MRPL4: variants seen among roughly 807,000 people sequenced by gnomAD.
MRPL4 encodes large ribosomal subunit protein uL4m.
Under a neutral mutation model 34.1 loss-of-function variants are expected in MRPL4, and 34 were observed. The ratio of observed to expected loss-of-function variants is 1.00; its 90% CI spans 0.76 to 1.33. The LOEUF (loss-of-function observed/expected upper bound fraction) is 1.33, where lower values mean the gene tolerates loss of function less well. MRPL4 is among the 40% of genes most tolerant of loss of function. The pLI, the probability that MRPL4 is intolerant of heterozygous loss-of-function variation, is 0.00. For missense variants in MRPL4, 402 were observed against 434.6 expected, an observed-to-expected ratio of 0.92 and a Z score of 0.67; for synonymous variants, 196 against 188.3, an observed-to-expected ratio of 1.04 and a Z score of -0.33.
rs1306760678 is a variant in MRPL4 at position 10,258,300 on chromosome 19, A to C, written c.524A>C (p.Lys175Thr). Reference protein sequence around the residue: ...LPMKVRALGLKVALTVKLAQD... With the variant: ...LPMKVRALGLTVALTVKLAQD... ...ATGAAGGTGCGGGCGCTGGGTCTCA[A>C]AGTGGCACTGACCGTCAAGCTGGCC... The change falls in exon 6 of 9, where the codon AAA becomes ACA. Residue 175 changes from lysine (K) to threonine (T), a missense_variant. Transcript: ENST00000253099. 1.2e-6 allele frequency: 2 copies of C among 1,613,938 alleles called. No individual in the cohort carries two copies. Among genetic ancestry groups the C allele is most frequent in the Non-Finnish European group, 1.7e-6 (2 of 1,180,010 alleles).
chr19:10,253,248 G>T (rs1255215417), intron 3 of MRPL4, among the ~76,000 whole-genome samples: 1 of 151,822 alleles, frequency 6.6e-6, no homozygotes, highest in South Asian at 2.1e-4. Context: ...AGGCCAAGGC[G>T]GGCGGATCAC....
chr19:10,252,706 G>A lies in MRPL4; in HGVS notation c.275+5G>A. ...TGTTTTCGCCACCGCGCCCAGGTGA[G>A]CGAGGGCTGTAATGGTGAACTGAGT... On this transcript the variant is annotated splice_donor_5th_base_variant and intron_variant, in intron 3 of 8. Transcript: ENST00000253099. 6.2e-7 allele frequency: 1 copy of A among 1,600,292 alleles called. No homozygotes were observed. The highest frequency in any genetic ancestry group is 1.1e-5 in the South Asian group (1 of 90,930).
chr19:10,258,514 C>T lies in MRPL4; in HGVS notation c.654C>T (p.Leu218=), dbSNP rs765728440. The T allele has an allele frequency of 1.2e-5, 20 of 1,614,022 alleles. No homozygotes were observed. The highest frequency in any genetic ancestry group is 1.2e-4 in the African/African-American group (9 of 74,902). Residue 218 remains leucine, a synonymous_variant, in exon 7 of 9, where the codon CTC becomes CTT. Transcript: ENST00000253099. ...GCCGCTGGGGGGACTCCGTACTCCT[C>T]GTGGACTTGTGAGGGCACAGGGCAG... ...HYRRWGDSVL[L]VDLTHEEMPQ...
In MRPL4 at chr19:10,259,403, A is replaced by T. The variant is rs1440186938; in HGVS notation, c.740-214A>T. 18 of 1,405,992 alleles carry T rather than the reference A, an allele frequency of 1.3e-5. No individual in the cohort carries two copies. In the South Asian group the frequency reaches 2.9e-4, roughly 22 times the overall value. 87.1% of individuals were successfully genotyped at this position (1,405,992 alleles called of 1,614,324 possible). On this transcript the variant is annotated intron_variant, in intron 8 of 8. Coordinates refer to ENST00000253099, the MANE Select transcript of MRPL4 (RefSeq NM_015956.3). The stretch of plus-strand genomic sequence containing the variant: ...ACAGGACCGAGCCTGGCTCTCGGTC[A>T]GCAGGTGATGAGCTGGGAGCAGCTC...
rs1166172950 is a variant in MRPL4 at position 10,252,565 on chromosome 19, G to T, written c.139G>T (p.Val47Leu). The T allele has an allele frequency of 2.5e-6, 4 of 1,612,936 alleles. No homozygotes were observed. The highest frequency in any genetic ancestry group is 1.3e-5 in the African/African-American group (1 of 74,902). The change falls in exon 3 of 9, where the codon GTG (valine) becomes TTG (leucine). Residue 47 changes from valine (V) to leucine (L), a missense_variant. Val to Leu is a conservative substitution (Grantham distance 32, BLOSUM62 1). Transcript: ENST00000253099. The part of the protein sequence containing the change: ...QVASEGLPEP[V>L]LRKVELPVPT... ...AATCGCTCCAGGTCTCCCGGAGCCCGTGCTGCGCAAAGTCGAGCTCCCGGT... is the reference window on the plus strand; with the variant it reads ...AATCGCTCCAGGTCTCCCGGAGCCCTTGCTGCGCAAAGTCGAGCTCCCGGT...
At chr19:10,256,496 C>T (rs771770905) in intron 4 of MRPL4, among the ~76,000 whole-genome samples, 1 of 152,082 alleles carries the variant, frequency 6.6e-6, no homozygotes, top group South Asian at 2.1e-4. Context: ...CCTGCGTGCC[C>T]GGTGGCAGGG....
chr19:10,252,960 C>G, intron 3 of MRPL4: 1 of 478,562 alleles, frequency 2.1e-6, no homozygotes, highest in South Asian at 4.1e-5. Context: ...ATCCTGCCTT[C>G]CCCTCTTGTC....
chr19:10,258,123 G>GC, intron 5 of MRPL4, 99 bp from the exon 6 acceptor site: 3 of 799,508 alleles, frequency 3.8e-6, no homozygotes, highest in Non-Finnish European at 6.2e-6. Flanking sequence ...TCCTGGCAGC[G>GC]CCCCCTCTCT....
In MRPL4 at chr19:10,256,784, G is replaced by A. The variant is rs143980023; in HGVS notation, c.404G>A (p.Arg135Gln). 5.7e-5 allele frequency: 91 copies of A among 1,585,572 alleles called. No individual in the cohort carries two copies. The South Asian group carries it at 8.8e-4, about 15-fold the overall frequency. Residue 135 changes from arginine (R) to glutamine (Q), a missense_variant, in exon 5 of 9, where the codon CGG becomes CAG. Arg to Gln is a conservative substitution (Grantham distance 43, BLOSUM62 1). Transcript: ENST00000253099. Reference sequence around the variant, plus strand: ...CCTTGGCCGCAGAAAGGCACTGGGCGGGCCCGGCATGGCAGCATCCGCTCT... The same window carrying A: ...CCTTGGCCGCAGAAAGGCACTGGGCAGGCCCGGCATGGCAGCATCCGCTCT... ...RKPWPQKGTG[R>Q]ARHGSIRSPL...
intron 8 of MRPL4, chr19:10,259,067 C>CA (rs906096813): frequency 7.8e-7 from 1 of 1,275,642 alleles, no homozygotes; most frequent in African/African-American, 1.8e-5. Flanking sequence ...CCACTGCACC[C>CA]AAACCTGGGG....
chr19:10,259,253 T>C, intron 8 of MRPL4: 1 of 1,333,890 alleles, frequency 7.5e-7, no homozygotes, highest in Non-Finnish European at 9.5e-7. Flanking sequence ...TCTCTCAGGA[T>C]GAAAGCCCAA....
chr19:10,259,584 C>T (rs993091066), intron 8 of MRPL4, 33 bp from the exon 9 acceptor site: 10 of 1,489,476 alleles, frequency 6.7e-6, no homozygotes, highest in Admixed American at 2.7e-5. Flanking sequence ...CCGGCCTGAC[C>T]GGCCCCCCGC....
upstream of MRPL4, chr19:10,252,138 C>A: frequency 1.5e-6 from 2 of 1,322,884 alleles, no homozygotes; most frequent in South Asian, 1.5e-5. Flanking sequence ...GCACACCCCG[C>A]TTTCCAGCGC....
In MRPL4 at chr19:10,259,757, C is replaced by T; in HGVS notation, c.880C>T (p.Pro294Ser). 1.2e-6 allele frequency: 2 copies of T among 1,614,078 alleles called. No homozygotes were observed. The highest frequency in any genetic ancestry group is 1.7e-6 in the Non-Finnish European group (2 of 1,179,974). ...YPFSLPYSDF[P>S]RPLPHATQGP... ...CTTCAGCCTGCCCTACAGCGACTTC[C>T]CCCGACCCCTACCCCACGCTACCCA... The change falls in exon 9 of 9, where the codon CCC (proline) becomes TCC (serine). Residue 294 changes from proline (P) to serine (S), a missense_variant. By Grantham distance (74) the Pro-to-Ser change is moderately conservative. Coordinates refer to ENST00000253099, the MANE Select transcript of MRPL4 (RefSeq NM_015956.3).
upstream of MRPL4, chr19:10,252,151 A>AGTCGCGGCGGGTAGGGCGGC: frequency 7.3e-7 from 1 of 1,370,734 alleles, no homozygotes; most frequent in Non-Finnish European, 9.7e-7. Flanking sequence ...TCCAGCGCGG[A>AGTCGCGGCGGGTAGGGCGGC]GTCGCGGCGG....
rs374214811 is a variant in MRPL4, at chr19:10,258,397, C to G, written c.553-16C>G. The stretch of plus-strand genomic sequence containing the variant: ...GCTCTGGACCCAGGGTTCAAACCAT[C>G]CTTTCCTTCCACCAGGACGACCTGC... On this transcript the variant is annotated splice_polypyrimidine_tract_variant and intron_variant, in intron 6 of 8. Transcript: ENST00000253099. The G allele has an allele frequency of 6.2e-7, 1 of 1,614,018 alleles. No homozygotes were observed. The highest frequency in any genetic ancestry group is 8.5e-7 in the Non-Finnish European group (1 of 1,179,962).
rs1416813209 is a variant in MRPL4 at position 10,252,400 on chromosome 19, C to G, written c.61C>G (p.Leu21Val). Residue 21 changes from leucine (L) to valine (V), a missense_variant, in exon 2 of 9, where the codon CTG becomes GTG. Coordinates refer to ENST00000253099, the MANE Select transcript of MRPL4 (RefSeq NM_015956.3). Reference protein sequence around the residue: ...AWLRPTGSQGLSSLAEEAARA... With the variant: ...AWLRPTGSQGVSSLAEEAARA... ...CACTTTCGCCCAACCCTTGCAGGGCCTGAGTTCCCTGGCGGAAGAGGCAGC... is the reference window on the plus strand; with the variant it reads ...CACTTTCGCCCAACCCTTGCAGGGCGTGAGTTCCCTGGCGGAAGAGGCAGC... 1.2e-6 allele frequency: 2 copies of G among 1,613,986 alleles called. No individual in the cohort carries two copies. The highest frequency in any genetic ancestry group is 1.7e-6 in the Non-Finnish European group (2 of 1,179,976).
Position 10,256,814 on chromosome 19 carries a change from T to G in MRPL4, c.434T>G (p.Leu145Arg). ...CGGCATGGCAGCATCCGCTCTCCGC[T>G]CTGGCGAGGAGGTAACAGGACAGGG... Reference protein sequence around the residue: ...RARHGSIRSPLWRGGGVAHGP... With the variant: ...RARHGSIRSPRWRGGGVAHGP... The change falls in exon 5 of 9, where the codon CTC becomes CGC. Residue 145 changes from leucine to arginine, a missense_variant. Physicochemically the swap from Leu to Arg is moderately radical, Grantham distance 102 (BLOSUM62 -2). Transcript: ENST00000253099. 8.1e-7 allele frequency: 1 copy of G among 1,231,226 alleles called. No homozygotes were observed. Among genetic ancestry groups the G allele is most frequent in the East Asian group, 7.1e-5 (1 of 14,140 alleles). The allele number at this position is 1,231,226 out of a possible 1,614,324, so 76.3% of individuals were successfully genotyped here. A position where few individuals can be genotyped will look rare whatever the true frequency, so the allele number is the denominator to read the frequency against.
Position 10,252,436 on chromosome 19 carries a change from G to C in MRPL4, c.97G>C (p.Glu33Gln). The C allele has an allele frequency of 6.2e-7, 1 of 1,614,084 alleles. No homozygotes were observed. The highest frequency in any genetic ancestry group is 8.5e-7 in the Non-Finnish European group (1 of 1,179,982). The stretch of plus-strand genomic sequence containing the variant: ...GGCGGAAGAGGCAGCGCGTGCGACC[G>C]AGAACCCGGAGCAGGTGGCGAGCGA... ...SLAEEAARAT[E>Q]NPEQVASEGL... The change falls in exon 2 of 9, where the codon GAG (glutamate) becomes CAG (glutamine). Residue 33 changes from glutamate (E) to glutamine (Q), a missense_variant. Coordinates refer to ENST00000253099, the MANE Select transcript of MRPL4 (RefSeq NM_015956.3).
Sources: gnomAD v4.1 joint callset for allele counts (sites outside exome capture counted in the v4.1 genomes callset) on GRCh38, gnomAD v4.1.1 for gene constraint, MANE v1.5 for transcripts, NCBI Gene and HGNC (gene_info 2026-07-23, HGNC 2026-07-21) for gene names.